Variants in DCHS2 observed in about 807,000 individuals in gnomAD.
DCHS2 encodes protocadherin-23.
DCHS2 carries 142 observed loss-of-function variants against 182.4 expected under a neutral mutation model. That is an observed-to-expected ratio of 0.78 (90% CI 0.68 to 0.89). The LOEUF (loss-of-function observed/expected upper bound fraction) is 0.89, where lower values mean the gene tolerates loss of function less well. Among genes scored for constraint, DCHS2 ranks in the 40% least tolerant of loss-of-function variants. The pLI is 0.00. For synonymous variants in DCHS2, 1,740 were observed against 1,663.3 expected, an observed-to-expected ratio of 1.05 and a Z score of -1.12; for missense variants, 4,319 against 4,198.6, an observed-to-expected ratio of 1.03 and a Z score of -0.79.
At position 154,366,680 on chromosome 4, in the gene DCHS2, T is replaced by C. The variant is rs577497699; in HGVS notation, c.2245-239A>G. On this transcript the variant is annotated intron_variant, in intron 2 of 19. Coordinates refer to ENST00000357232, the MANE Select transcript of DCHS2 (RefSeq NM_001358235.2). The stretch of plus-strand genomic sequence containing the variant: ...ACACACACACACACAAACACGTCTT[T>C]ATATTCATTTTATTTTCAACTTTGA... 2.6e-5 allele frequency among the ~76,000 whole-genome samples: 4 copies of C among 152,172 alleles called. No homozygotes were observed. The East Asian group carries it at 7.7e-4, about 29-fold the overall frequency.
intron 1 of DCHS2, among the ~76,000 whole-genome samples, chr4:154,487,268 C>T (rs1188823652): frequency 2.6e-5 from 4 of 152,174 alleles, no homozygotes; most frequent in African/African-American, 4.8e-5. Flanking sequence ...CTGGCATACC[C>T]GGGCTCCTCT....
At chr4:154,417,198 TGTGTGTGAGAGAGAGA>T (rs1477420492) in intron 1 of DCHS2, among the ~76,000 whole-genome samples, 115 of 65,330 alleles carry the variant, frequency 1.8e-3, no homozygotes, top group Non-Finnish European at 2.2e-3. Context: ...TGTGTGTGTG[TGTGTGTGAGAGAGAGA>T]GAGAGAGAGA....
At chr4:154,294,430 T>C (rs1458366197) in intron 13 of DCHS2, among the ~76,000 whole-genome samples, 2 of 152,166 alleles carry the variant, frequency 1.3e-5, no homozygotes, top group South Asian at 2.1e-4. Flanking sequence ...ACAAAATTAG[T>C]TGATTTCTTG....
At chr4:154,348,622 C>T (rs769935751) in intron 3 of DCHS2, among the ~76,000 whole-genome samples, 1 of 151,696 alleles carries the variant, frequency 6.6e-6, no homozygotes, top group Non-Finnish European at 1.5e-5. Context: ...AGGAAGGACA[C>T]AAGAAGACAC....
chr4:154,421,100 A>C (rs996589712), intron 1 of DCHS2, among the ~76,000 whole-genome samples: 4 of 152,176 alleles, frequency 2.6e-5, no homozygotes, highest in African/African-American at 7.2e-5. Flanking sequence ...TATGATAGGT[A>C]TTATCTAGAT....
chr4:154,363,826 G>A (rs1730231050), intron 3 of DCHS2, among the ~76,000 whole-genome samples: 1 of 152,026 alleles, frequency 6.6e-6, no homozygotes, highest in South Asian at 2.1e-4. Flanking sequence ...TATATACAAT[G>A]TGTTTTCAGT....
At chr4:154,394,695 C>T (rs1196435110) in intron 1 of DCHS2, among the ~76,000 whole-genome samples, 5 of 152,236 alleles carry the variant, frequency 3.3e-5, no homozygotes, top group Middle Eastern at 3.4e-3. Context: ...TTAGCCTGGT[C>T]CTCAAATTGG....
intron 2 of DCHS2, among the ~76,000 whole-genome samples, chr4:154,367,942 G>T (rs1490842289): frequency 7.8e-6 from 1 of 128,324 alleles, no homozygotes; most frequent in Non-Finnish European, 1.8e-5. Flanking sequence ...GAGCTCTGAG[G>T]TCCCTTGTAC....
In DCHS2 at chr4:154,234,282, A is replaced by C; in HGVS notation, c.*254T>G. 1 of 368,502 alleles carries C rather than the reference A, an allele frequency of 2.7e-6. No individual in the cohort carries two copies. The highest frequency in any genetic ancestry group is 4.7e-6 in the Non-Finnish European group (1 of 210,808). The allele number at this position is 368,502 out of a possible 1,614,324, so 22.8% of individuals were successfully genotyped here. A position where few individuals can be genotyped will look rare whatever the true frequency, so the allele number is the denominator to read the frequency against. ...TCTAATCATACAGACAACAGGTCTG[A>C]CAGAATATACACTACTTAATATATA... is the stretch of plus-strand genomic sequence containing the variant. On this transcript the variant is annotated 3_prime_UTR_variant, in exon 20 of 20. Transcript: ENST00000357232.
chr4:154,340,302 G>T (rs1339631423), intron 3 of DCHS2, among the ~76,000 whole-genome samples: 2 of 152,246 alleles, frequency 1.3e-5, no homozygotes, highest in East Asian at 1.9e-4. Flanking sequence ...AATCCCTGAG[G>T]TTATAATAAA....
intron 16 of DCHS2, among the ~76,000 whole-genome samples, chr4:154,252,457 T>G (rs1732418064): frequency 6.6e-6 from 1 of 152,132 alleles, no homozygotes; most frequent in South Asian, 2.1e-4. Context: ...TTGTAATCTT[T>G]AACCATTCCC....
intron 2 of DCHS2, among the ~76,000 whole-genome samples, chr4:154,371,563 T>C (rs898239315): frequency 6.6e-6 from 1 of 152,142 alleles, no homozygotes; most frequent in African/African-American, 2.4e-5. Context: ...GGTGTATTAG[T>C]CCATTCTCAC....
chr4:154,257,488 A>G (rs955833296), intron 15 of DCHS2, among the ~76,000 whole-genome samples: 3 of 152,164 alleles, frequency 2.0e-5, no homozygotes, highest in African/African-American at 7.2e-5. Flanking sequence ...CCGAAGATTC[A>G]AATTTCAGGG....
intron 7 of DCHS2, chr4:154,323,224 A>G (rs1330685124): frequency 1.9e-6 from 3 of 1,547,172 alleles, no homozygotes; most frequent in East Asian, 4.9e-5. Context: ...GCAGATCTAG[A>G]GAACTGACCA....
chr4:154,357,110 C>A, intron 3 of DCHS2: 1 of 682,748 alleles, frequency 1.5e-6, no homozygotes, highest in East Asian at 2.5e-5. Context: ...CATCAACGAA[C>A]CTTTGGCCTG....
chr4:154,441,344 C>A (rs1269368082), intron 1 of DCHS2, among the ~76,000 whole-genome samples: 1 of 152,088 alleles, frequency 6.6e-6, no homozygotes, highest in East Asian at 1.9e-4. Context: ...TTTTGGGAAG[C>A]AAAGGGATTA....
chr4:154,370,819 G>C (rs1202140703), intron 2 of DCHS2, among the ~76,000 whole-genome samples: 1 of 152,140 alleles, frequency 6.6e-6, no homozygotes, highest in African/African-American at 2.4e-5. Context: ...GATTTACGTA[G>C]GGCTGGGGTT....
chr4:154,298,569 A>G lies in DCHS2; in HGVS notation c.5745T>C (p.Ser1915=). 1.2e-6 allele frequency: 2 copies of G among 1,614,186 alleles called. No individual in the cohort carries two copies. The highest frequency in any genetic ancestry group is 1.7e-6 in the Non-Finnish European group (2 of 1,179,996). Residue 1915 remains serine (S), a synonymous_variant, in exon 13 of 20, where the codon TCT becomes TCC. Coordinates refer to ENST00000357232, the MANE Select transcript of DCHS2 (RefSeq NM_001358235.2). ...AAACTCTAACTTGCAGGTGTATTAC[A>G]GAGCTCCTAGGTGGATCTCCCAGGT... ...CSDLGDPPRS[S]VIHLQVRVLD...
chr4:154,484,819 C>A (rs1291748497), intron 1 of DCHS2, among the ~76,000 whole-genome samples: 1 of 152,182 alleles, frequency 6.6e-6, no homozygotes, highest in Non-Finnish European at 1.5e-5. Context: ...TTTCAATCCT[C>A]AGAGAAGGGA....
Sources: gnomAD v4.1 joint callset for allele counts (sites outside exome capture counted in the v4.1 genomes callset) on GRCh38, gnomAD v4.1.1 for gene constraint, MANE v1.5 for transcripts, NCBI Gene and HGNC (gene_info 2026-07-23, HGNC 2026-07-21) for gene names.